Variants in ZNF275 observed in about 807,000 individuals in gnomAD.
The protein encoded by ZNF275 is zinc finger protein 275.
In ZNF275, 4 loss-of-function variants were observed where a neutral mutation model predicts 4.3. That is an observed-to-expected ratio of 0.93 (90% CI 0.46 to 2.13). The LOEUF (loss-of-function observed/expected upper bound fraction) is 2.13, where lower values mean the gene tolerates loss of function less well. ZNF275 is among the 30% of genes most tolerant of loss of function. The probability of loss-of-function intolerance (pLI) is 0.02; values close to 1 mark genes in which losing one functional copy is unlikely to be tolerated. For missense variants in ZNF275, 352 were observed against 397.1 expected, an observed-to-expected ratio of 0.89 and a Z score of 0.97; for synonymous variants, 173 against 166.9, an observed-to-expected ratio of 1.04 and a Z score of -0.28.
At chrX:153,339,654 G>A (rs1361620934) in intron 2 of ZNF275, among the ~76,000 whole-genome samples, 3 of 111,399 alleles carry the variant, frequency 2.7e-5, no homozygotes, top group African/African-American at 9.8e-5. Flanking sequence ...CTCCAGCCTG[G>A]GTGACAGAGT....
chrX:153,347,437 A>T lies in ZNF275; in HGVS notation c.752A>T (p.Glu251Val), dbSNP rs369905491. The change falls in exon 4 of 4, where the codon GAG becomes GTG. Residue 251 changes from glutamate (E) to valine (V), a missense_variant. Coordinates refer to ENST00000650114, the MANE Select transcript of ZNF275 (RefSeq NM_001367757.1). ...AGCAGGGATTTCCTGGATCGCCAGG[A>T]GCTTCTCAAGCACCAGCGCATGCAC... is the stretch of plus-strand genomic sequence containing the variant. ...ACSRDFLDRQ[E>V]LLKHQRMHTG... 7 of 1,211,408 alleles carry T rather than the reference A, an allele frequency of 5.8e-6. No individual in the cohort carries two copies. Among genetic ancestry groups the T allele is most frequent in the Non-Finnish European group, 7.8e-6 (7 of 895,186 alleles).
Position 153,334,850 on chromosome X carries a change from T to A in ZNF275, c.-47+565T>A, listed in dbSNP as rs782810248. On this transcript the variant is annotated intron_variant, in intron 1 of 3. Coordinates refer to ENST00000650114, the MANE Select transcript of ZNF275 (RefSeq NM_001367757.1). ...CAGTTCCCGCTGGGGAGTCCCTCCT[T>A]TCCTTTTGAGTGGGTGGGAGTGGGG... is the stretch of plus-strand genomic sequence containing the variant. Among the ~76,000 whole-genome samples, 20 of 88,878 alleles carry A rather than the reference T, an allele frequency of 2.3e-4. 1 individual carries two copies. The highest frequency in any genetic ancestry group is 1.8e-3 in the Admixed American group (15 of 8,558). The allele number at this position is 88,878 out of a possible 115,157, so 77.2% of individuals were successfully genotyped here. A position where few individuals can be genotyped will look rare whatever the true frequency, so the allele number is the denominator to read the frequency against.
rs978212365 is a variant in ZNF275, at chrX:153,347,564, C to T, written c.879C>T (p.Tyr293=). 11 of 1,188,403 alleles carry T rather than the reference C, an allele frequency of 9.3e-6. No homozygotes were observed. Among genetic ancestry groups the T allele is most frequent in the East Asian group, 8.9e-5 (3 of 33,546 alleles). Residue 293 remains tyrosine, a synonymous_variant, in exon 4 of 4, where the codon TAC becomes TAT. Coordinates refer to ENST00000650114, the MANE Select transcript of ZNF275 (RefSeq NM_001367757.1). ...GCATCCACAGTGGGGCCAAGCCATA[C>T]GGGTGTCCCCACTGCGGCAAGCTCT... is the stretch of plus-strand genomic sequence containing the variant. ...HQRIHSGAKP[Y]GCPHCGKLFR...
Position 153,348,078 on chromosome X carries a change from A to G in ZNF275, c.*103A>G. The G allele has an allele frequency of 2.3e-6, 2 of 871,728 alleles. No individual in the cohort carries two copies. The highest frequency in any genetic ancestry group is 3.0e-6 in the Non-Finnish European group (2 of 658,104). The allele number at this position is 871,728 out of a possible 1,213,427, so 71.8% of individuals were successfully genotyped here. ...TAGCGCTTATATATTTTGTCTTCCA[A>G]AAGGTTGAGACCGATTTATACTGCC... On this transcript the variant is annotated 3_prime_UTR_variant, in exon 4 of 4. Transcript: ENST00000650114.
rs782407892 is a variant in ZNF275 at position 153,347,414 on chromosome X, C to A, written c.729C>A (p.Ser243Arg). The change falls in exon 4 of 4, where the codon AGC becomes AGA. Residue 243 changes from serine (S) to arginine (R), a missense_variant. By Grantham distance (110) the Ser-to-Arg change is moderately radical. Transcript: ENST00000650114. ...AGCCTTTCGCCTGCAAGGCGTGCAG[C>A]AGGGATTTCCTGGATCGCCAGGAGC... The part of the protein sequence containing the change: ...SEKPFACKAC[S>R]RDFLDRQELL... 4 of 1,212,102 alleles carry A rather than the reference C, an allele frequency of 3.3e-6. No individual in the cohort carries two copies. In the African/African-American group the frequency reaches 6.9e-5, roughly 21 times the overall value.
At position 153,350,623 on chromosome X, in the gene ZNF275, G is replaced by T. The variant is rs56076412; in HGVS notation, c.*2648G>T. ...CCTGGCAAGGAAGTGTGCCCTTCTC[G>T]TGGGCCCACCAAGGCTGAGGCAGAG... On this transcript the variant is annotated 3_prime_UTR_variant, in exon 4 of 4. Transcript: ENST00000650114. 1 of 123,834 alleles carries T rather than the reference G, an allele frequency of 8.1e-6. No individual in the cohort carries two copies. The highest frequency in any genetic ancestry group is 3.2e-5 in the African/African-American group (1 of 30,994). 10.2% of individuals were successfully genotyped at this position (123,834 alleles called of 1,213,427 possible).
At position 153,347,327 on chromosome X, in the gene ZNF275, C is replaced by T. The variant is rs782024866; in HGVS notation, c.642C>T (p.Cys214=). 12 of 1,211,834 alleles carry T rather than the reference C, an allele frequency of 9.9e-6. No homozygotes were observed. The highest frequency in any genetic ancestry group is 7.0e-5 in the South Asian group (4 of 57,003). ...SREKPFDCEE[C]GRSFKVNTHL... ...AGAAGCCCTTTGATTGCGAGGAATGCGGGCGGTCGTTCAAAGTCAACACCC... is the reference window on the plus strand; with the variant it reads ...AGAAGCCCTTTGATTGCGAGGAATGTGGGCGGTCGTTCAAAGTCAACACCC... The change falls in exon 4 of 4, where the codon TGC becomes TGT. Residue 214 remains cysteine (C), a synonymous_variant. Coordinates refer to ENST00000650114, the MANE Select transcript of ZNF275 (RefSeq NM_001367757.1).
chrX:153,336,785 G>C lies in ZNF275; in HGVS notation c.31+75G>C, dbSNP rs148744321. On this transcript the variant is annotated intron_variant, in intron 2 of 3. Coordinates refer to ENST00000650114, the MANE Select transcript of ZNF275 (RefSeq NM_001367757.1). ...TGCTATCAGAAGACCCTATAGGTGG[G>C]GTTACAACATGGTGAGGAGTATCGT... The C allele has an allele frequency of 2.8e-3, 2,949 of 1,051,022 alleles. 50 individuals are homozygous for C. In the African/African-American group the frequency reaches 0.048, roughly 17 times the overall value. 86.6% of individuals were successfully genotyped at this position (1,051,022 alleles called of 1,213,427 possible).
intron 2 of ZNF275, chrX:153,345,199 C>T (rs1036904751): frequency 3.9e-5 from 8 of 202,729 alleles, no homozygotes; most frequent in Non-Finnish European, 6.5e-5. Context: ...TCGAAGTCCA[C>T]GTGTCTGGGA....
chrX:153,346,769 T>G, intron 3 of ZNF275, 50 bp from the exon 4 acceptor site: 1 of 1,101,307 alleles, frequency 9.1e-7, no homozygotes, highest in Non-Finnish European at 1.2e-6. Context: ...GAGAGGCCCT[T>G]CCCTCCTTCA....
chrX:153,351,031 A>G lies in ZNF275; in HGVS notation c.*3056A>G, dbSNP rs2088553248. 1 of 123,157 alleles carries G rather than the reference A, an allele frequency of 8.1e-6. No individual in the cohort carries two copies. Among genetic ancestry groups the G allele is most frequent in the Non-Finnish European group, 1.9e-5 (1 of 53,177 alleles). The allele number at this position is 123,157 out of a possible 1,213,427, so 10.1% of individuals were successfully genotyped here. The stretch of plus-strand genomic sequence containing the variant: ...CCATTGAATGCAGCATTAACTCAGA[A>G]CGTAGCATAAAGTCGTCACTGCTCC... On this transcript the variant is annotated 3_prime_UTR_variant, in exon 4 of 4. Transcript: ENST00000650114.
At chrX:153,339,260 G>A (rs1556960861) in intron 2 of ZNF275, among the ~76,000 whole-genome samples, 1 of 111,630 alleles carries the variant, frequency 9.0e-6, no homozygotes, top group African/African-American at 3.3e-5. Flanking sequence ...TATCTCCTGG[G>A]CACTGTCAGT....
chrX:153,347,357 C>T lies in ZNF275; in HGVS notation c.672C>T (p.Leu224=), dbSNP rs896922050. The change falls in exon 4 of 4, where the codon CTC becomes CTT. Residue 224 remains leucine, a synonymous_variant. Coordinates refer to ENST00000650114, the MANE Select transcript of ZNF275 (RefSeq NM_001367757.1). Reference sequence around the variant, plus strand: ...GGTCGTTCAAAGTCAACACCCACCTCTTCCGACATCAGAAACTTCACACTT... The same window carrying T: ...GGTCGTTCAAAGTCAACACCCACCTTTTCCGACATCAGAAACTTCACACTT... ...CGRSFKVNTH[L]FRHQKLHTSE... 5.8e-6 allele frequency: 7 copies of T among 1,212,381 alleles called. No individual in the cohort carries two copies. The highest frequency in any genetic ancestry group is 7.8e-6 in the Non-Finnish European group (7 of 895,580).
In ZNF275 at chrX:153,346,874, G is replaced by A. The variant is rs2088519746; in HGVS notation, c.189G>A (p.Glu63=). The part of the protein sequence containing the change: ...QMKGEDAQPQ[E]MASTSFPRAS... Reference sequence around the variant, plus strand: ...AGGGGGAAGATGCCCAGCCACAGGAGATGGCGTCCACAAGCTTCCCAAGGG... The same window carrying A: ...AGGGGGAAGATGCCCAGCCACAGGAAATGGCGTCCACAAGCTTCCCAAGGG... The change falls in exon 4 of 4, where the codon GAG becomes GAA. Residue 63 remains glutamate (E), a synonymous_variant. Coordinates refer to ENST00000650114, the MANE Select transcript of ZNF275 (RefSeq NM_001367757.1). 1 of 1,209,010 alleles carries A rather than the reference G, an allele frequency of 8.3e-7. No homozygotes were observed.
chrX:153,335,310 A>C (rs913713038), intron 1 of ZNF275, among the ~76,000 whole-genome samples: 1 of 108,725 alleles, frequency 9.2e-6, no homozygotes, highest in African/African-American at 3.4e-5. Context: ...TTTCCTCTTC[A>C]ACCTCAGCCC....
rs2088553888 is a variant in ZNF275 at position 153,351,138 on chromosome X, C to T, written c.*3163C>T. ...TTCAGTTCTATAATTTTCTCCCAAA[C>T]AAATGCTCTTTTAGAGTTAACACTA... On this transcript the variant is annotated 3_prime_UTR_variant, in exon 4 of 4. Coordinates refer to ENST00000650114, the MANE Select transcript of ZNF275 (RefSeq NM_001367757.1). The T allele has an allele frequency of 8.1e-6, 1 of 123,969 alleles. No individual in the cohort carries two copies. Among genetic ancestry groups the T allele is most frequent in the Non-Finnish European group, 1.9e-5 (1 of 53,380 alleles). The allele number at this position is 123,969 out of a possible 1,213,427, so 10.2% of individuals were successfully genotyped here.
Position 153,348,082 on chromosome X carries a change from GT to G in ZNF275, c.*109del. On this transcript the variant is annotated 3_prime_UTR_variant, in exon 4 of 4. Transcript: ENST00000650114. ...GCTTATATATTTTGTCTTCCAAAAG[GT>G]TGAGACCGATTTATACTGCCACCAG... is the stretch of plus-strand genomic sequence containing the variant. The G allele has an allele frequency of 2.4e-6, 2 of 836,999 alleles. No individual in the cohort carries two copies. The highest frequency in any genetic ancestry group is 3.2e-6 in the Non-Finnish European group (2 of 628,344). The allele number at this position is 836,999 out of a possible 1,213,427, so 69.0% of individuals were successfully genotyped here.
rs185981359 is a variant in ZNF275 at position 153,338,253 on chromosome X, T to C, written c.31+1543T>C. On this transcript the variant is annotated intron_variant, in intron 2 of 3. Coordinates refer to ENST00000650114, the MANE Select transcript of ZNF275 (RefSeq NM_001367757.1). ...TTAATGTGTTATCTTTTTTTAATGA[T>C]CTTCCTTTGCTTCTCATGCAGCTCT... Among the ~76,000 whole-genome samples the C allele has an allele frequency of 2.3e-4, 26 of 112,189 alleles. No homozygotes were observed. The East Asian group carries it at 7.0e-3, about 30-fold the overall frequency.
At chrX:153,334,542 G>A (rs1437968177) in intron 1 of ZNF275, among the ~76,000 whole-genome samples, 1 of 111,226 alleles carries the variant, frequency 9.0e-6, no homozygotes, top group Non-Finnish European at 1.9e-5. Context: ...CAGGGAACGG[G>A]TCCCGGATGA....
Sources: gnomAD v4.1 joint callset for allele counts (sites outside exome capture counted in the v4.1 genomes callset) on GRCh38, gnomAD v4.1.1 for gene constraint, MANE v1.5 for transcripts, NCBI Gene and HGNC (gene_info 2026-07-23, HGNC 2026-07-21) for gene names.